CFAP54: variants seen among roughly 807,000 people sequenced by gnomAD.
The protein encoded by CFAP54 is cilia and flagella associated protein 54.
In CFAP54, 290 loss-of-function variants were observed where a neutral mutation model predicts 370.4. That is an observed-to-expected ratio of 0.78 (90% CI 0.71 to 0.86). The LOEUF is 0.86. CFAP54 is among the 40% of genes least tolerant of loss of function. The pLI is 0.00. For synonymous variants in CFAP54, 1,206 were observed against 1,236.5 expected (o/e 0.98, Z 0.52); for missense variants, 3,399 against 3,528.7 (o/e 0.96, Z 0.93).
chr12:96,835,191 A>G (rs1255887326), intron 66 of CFAP54, among the ~76,000 whole-genome samples: 2 of 152,056 alleles, frequency 1.3e-5, no homozygotes, highest in African/African-American at 2.4e-5. Context: ...AGGTCTCTGA[A>G]GCTCTCAGCA....
intron 63 of CFAP54, among the ~76,000 whole-genome samples, chr12:96,805,127 T>C (rs747484312): frequency 6.6e-6 from 1 of 151,890 alleles, no homozygotes; most frequent in Non-Finnish European, 1.5e-5. Flanking sequence ...GACCTGAAAT[T>C]ATTAAAAAAA....
chr12:96,530,278 C>A (rs1028472308), intron 9 of CFAP54, among the ~76,000 whole-genome samples: 4 of 152,314 alleles, frequency 2.6e-5, no homozygotes, highest in Admixed American at 6.5e-5. Flanking sequence ...TCCCTTGAGC[C>A]CAGGAGTTCA....
At chr12:96,585,634 T>G (rs987928018) in intron 22 of CFAP54, among the ~76,000 whole-genome samples, 6 of 152,202 alleles carry the variant, frequency 3.9e-5, no homozygotes, top group Non-Finnish European at 7.3e-5. Flanking sequence ...AACTTGTTTT[T>G]AAACCTCACC....
chr12:96,850,988 C>T (rs1402367340), intron 66 of CFAP54, among the ~76,000 whole-genome samples: 1 of 152,164 alleles, frequency 6.6e-6, no homozygotes, highest in Non-Finnish European at 1.5e-5. Context: ...AGAGCCAAAC[C>T]ATATCAGTGT....
intron 26 of CFAP54, among the ~76,000 whole-genome samples, chr12:96,614,097 C>T (rs140209969): frequency 0.011 from 1,663 of 152,242 alleles, 30 homozygotes; most frequent in African/African-American, 0.037. Context: ...TGATGAACAT[C>T]GATGTGAAAA....
intron 17 of CFAP54, among the ~76,000 whole-genome samples, chr12:96,559,872 T>C (rs1357482536): frequency 6.6e-6 from 1 of 152,094 alleles, no homozygotes; most frequent in Non-Finnish European, 1.5e-5. Context: ...AGCATCCAAT[T>C]GATCATTTAT....
At chr12:96,865,062 C>T (rs1421715810) in intron 67 of CFAP54, among the ~76,000 whole-genome samples, 2 of 152,148 alleles carry the variant, frequency 1.3e-5, no homozygotes, top group African/African-American at 4.8e-5. Context: ...TACTCTTTGC[C>T]ATTTTCTCTC....
At chr12:96,805,572 CAA>C (rs35711439) in intron 63 of CFAP54, among the ~76,000 whole-genome samples, 10 of 138,976 alleles carry the variant, frequency 7.2e-5, no homozygotes, top group Admixed American at 2.8e-4. Flanking sequence ...ATTAAAAAGT[CAA>C]AAAAAAAAAA....
chr12:96,618,636 A>G (rs1956450101), intron 26 of CFAP54, among the ~76,000 whole-genome samples: 1 of 152,102 alleles, frequency 6.6e-6, no homozygotes, highest in African/African-American at 2.4e-5. Flanking sequence ...GCCACTGAAG[A>G]AGATGGGAGA....
In CFAP54 at chr12:96,676,060, A is replaced by G. The variant is rs150244203; in HGVS notation, c.5564-3540A>G. On this transcript the variant is annotated intron_variant, in intron 39 of 67. Coordinates refer to ENST00000524981, the MANE Select transcript of CFAP54 (RefSeq NM_001306084.2). The stretch of plus-strand genomic sequence containing the variant: ...TATGTAACAAACCTGCATGTTGTAC[A>G]CGTGTACCCTAAAACTTAAAGTATA... Among the ~76,000 whole-genome samples the G allele has an allele frequency of 4.7e-3, 716 of 152,236 alleles. 4 individuals are homozygous for G. Among genetic ancestry groups the G allele is most frequent in the African/African-American group, 0.016 (679 of 41,542 alleles).
At chr12:96,504,674 A>C (rs1193772619) in intron 3 of CFAP54, among the ~76,000 whole-genome samples, 3 of 152,188 alleles carry the variant, frequency 2.0e-5, no homozygotes, top group Admixed American at 2.0e-4. Context: ...TCTGACTCTA[A>C]ATCTATGTTA....
chr12:96,839,327 ATAGT>A (rs898571428), intron 66 of CFAP54, among the ~76,000 whole-genome samples: 39 of 152,326 alleles, frequency 2.6e-4, no homozygotes, highest in Non-Finnish European at 4.3e-4. Flanking sequence ...TGTAAGCAAA[ATAGT>A]TAGTTACTAT....
Position 96,554,081 on chromosome 12 carries a change from A to C in CFAP54, c.2155-101A>C, listed in dbSNP as rs923521764. The stretch of plus-strand genomic sequence containing the variant: ...TTGTTAGTGTTAGATAGACTATTTA[A>C]ATTTCTGTTATGTGGTTTTGAATTA... On this transcript the variant is annotated intron_variant, in intron 15 of 67. Coordinates refer to ENST00000524981, the MANE Select transcript of CFAP54 (RefSeq NM_001306084.2). 5 of 718,880 alleles carry C rather than the reference A, an allele frequency of 7.0e-6. No homozygotes were observed. In the African/African-American group the frequency reaches 9.1e-5, roughly 13 times the overall value. The allele number at this position is 718,880 out of a possible 1,614,324, so 44.5% of individuals were successfully genotyped here.
rs573936003 is a variant in CFAP54, at chr12:96,634,354, A to G, written c.4316+3703A>G. On this transcript the variant is annotated intron_variant, in intron 32 of 67. Coordinates refer to ENST00000524981, the MANE Select transcript of CFAP54 (RefSeq NM_001306084.2). ...CAAGCGTGAGCCACCGTGCCCGGCC[A>G]AACATCTTTTTATATGCTTACTTGC... 9.9e-5 allele frequency among the ~76,000 whole-genome samples: 15 copies of G among 152,114 alleles called. No individual in the cohort carries two copies. The East Asian group carries it at 2.9e-3, about 29-fold the overall frequency.
intron 22 of CFAP54, among the ~76,000 whole-genome samples, chr12:96,587,303 G>A (rs937993979): frequency 6.6e-6 from 1 of 152,122 alleles, no homozygotes; most frequent in Non-Finnish European, 1.5e-5. Flanking sequence ...AGACAGAAAA[G>A]AGGAGCAGTT....
intron 15 of CFAP54, among the ~76,000 whole-genome samples, chr12:96,549,718 A>C (rs558323578): frequency 1.3e-5 from 2 of 152,298 alleles, no homozygotes; most frequent in South Asian, 4.1e-4. Flanking sequence ...TATTCCACTG[A>C]GTTGTTATAT....
At chr12:96,864,306 G>C (rs1348315503) in intron 67 of CFAP54, among the ~76,000 whole-genome samples, 1 of 152,156 alleles carries the variant, frequency 6.6e-6, no homozygotes, top group East Asian at 1.9e-4. Context: ...GCGAAGAGAA[G>C]CCCATGCCAG....
intron 20 of CFAP54, among the ~76,000 whole-genome samples, chr12:96,578,158 A>T (rs1176969185): frequency 1.3e-5 from 2 of 152,214 alleles, no homozygotes; most frequent in African/African-American, 4.8e-5. Flanking sequence ...AGTGCCTGTA[A>T]TCTGTCAAGC....
At chr12:96,642,742 C>T (rs888071503) in intron 32 of CFAP54, among the ~76,000 whole-genome samples, 4 of 152,168 alleles carry the variant, frequency 2.6e-5, no homozygotes, top group Non-Finnish European at 5.9e-5. Context: ...CTTATGGCTT[C>T]ACATCACTGA....
Sources: gnomAD v4.1 joint callset for allele counts (sites outside exome capture counted in the v4.1 genomes callset) on GRCh38, gnomAD v4.1.1 for gene constraint, MANE v1.5 for transcripts, NCBI Gene and HGNC (gene_info 2026-07-23, HGNC 2026-07-21) for gene names.